BLOC1S5: variants seen among roughly 807,000 people sequenced by gnomAD.
The protein encoded by BLOC1S5 is biogenesis of lysosome-related organelles complex 1 subunit 5.
Under a neutral mutation model 24.3 loss-of-function variants are expected in BLOC1S5, and 27 were observed. The ratio of observed to expected loss-of-function variants is 1.11; its 90% confidence interval spans 0.82 to 1.53. The LOEUF (loss-of-function observed/expected upper bound fraction) is 1.53. BLOC1S5 is among the 40% of genes most tolerant of loss of function. The pLI is 0.00. For synonymous variants in BLOC1S5, 84 were observed against 74.5 expected, an observed-to-expected ratio of 1.13 and a Z score of -0.66; for missense variants, 239 against 229.4, an observed-to-expected ratio of 1.04 and a Z score of -0.27.
chr6:8,054,946 T>C (rs527618995), intron 2 of BLOC1S5, among the ~76,000 whole-genome samples: 7 of 152,388 alleles, frequency 4.6e-5, no homozygotes, highest in Middle Eastern at 3.4e-3. Context: ...CAGTTGTTTA[T>C]TCACTCATGT....
In BLOC1S5 at chr6:8,028,874, C is replaced by A. The variant is rs150538621; in HGVS notation, c.326-2449G>T. On this transcript the variant is annotated intron_variant, in intron 3 of 4. Coordinates refer to ENST00000397457, the MANE Select transcript of BLOC1S5 (RefSeq NM_201280.3). The stretch of plus-strand genomic sequence containing the variant: ...CACCAAGAAGGCCCATTTCTCTGAA[C>A]CTTCCTATCACATCTGCAACACTTA... Among the ~76,000 whole-genome samples, 25 of 151,954 alleles carry A rather than the reference C, an allele frequency of 1.6e-4. No homozygotes were observed. In the East Asian group the frequency reaches 4.8e-3, roughly 29 times the overall value.
chr6:8,031,356 T>A (rs1361965198), intron 3 of BLOC1S5, among the ~76,000 whole-genome samples: 1 of 152,230 alleles, frequency 6.6e-6, no homozygotes, highest in East Asian at 1.9e-4. Flanking sequence ...AGAATCAAAT[T>A]AAAGAGCTCA....
chr6:8,025,880 T>A (rs569838647), intron 4 of BLOC1S5, among the ~76,000 whole-genome samples: 36 of 152,378 alleles, frequency 2.4e-4, no homozygotes, highest in Non-Finnish European at 5.9e-5. Context: ...ATTCTTGTGC[T>A]ATTTTTCCAC....
intron 2 of BLOC1S5, among the ~76,000 whole-genome samples, chr6:8,051,126 T>C (rs969944968): frequency 6.7e-6 from 1 of 149,950 alleles, no homozygotes; most frequent in Non-Finnish European, 1.5e-5. Flanking sequence ...AGGTGGAGGC[T>C]GCAGTGAGCC....
intron 4 of BLOC1S5, among the ~76,000 whole-genome samples, chr6:8,022,466 G>T (rs1003311679): frequency 7.3e-5 from 11 of 151,276 alleles, no homozygotes; most frequent in African/African-American, 2.7e-4. Context: ...AGAGACATAG[G>T]AAAAACTATT....
At position 8,053,878 on chromosome 6, in the gene BLOC1S5, T is replaced by C. The variant is rs112740926; in HGVS notation, c.195+8656A>G. Among the ~76,000 whole-genome samples, 1,415 of 152,298 alleles carry C rather than the reference T, an allele frequency of 9.3e-3. 17 individuals are homozygous for C. The highest frequency in any genetic ancestry group is 0.031 in the African/African-American group (1,294 of 41,570). On this transcript the variant is annotated intron_variant, in intron 2 of 4. Transcript: ENST00000397457. ...TTCCAGTTATTTAGAAAAGTTGGTG[T>C]TCTTGTTCTCACAGTTATGTTTACA...
Position 8,062,614 on chromosome 6 carries a change from G to T in BLOC1S5, c.115C>A (p.Leu39Ile). 1 of 1,581,872 alleles carries T rather than the reference G, an allele frequency of 6.3e-7. No individual in the cohort carries two copies. The highest frequency in any genetic ancestry group is 2.2e-5 in the East Asian group (1 of 44,498). The change falls in exon 2 of 5, where the codon CTT (leucine) becomes ATT (isoleucine). Residue 39 changes from leucine to isoleucine, a missense_variant and splice_region_variant. Coordinates refer to ENST00000397457, the MANE Select transcript of BLOC1S5 (RefSeq NM_201280.3). ...AAAAGCCTTGAATGAATTTCTCCAA[G>T]ATCTATAAAGATAAAATGAAATTCA... ...AGSAHLIIKD[L>I]GEIHSRLLDH...
At chr6:8,043,777 A>G (rs1397241630) in intron 2 of BLOC1S5, among the ~76,000 whole-genome samples, 2 of 152,206 alleles carry the variant, frequency 1.3e-5, no homozygotes, top group South Asian at 2.1e-4. Flanking sequence ...AGGTGTTGAT[A>G]TGGTTTGGCT....
chr6:8,026,473 G>T, intron 3 of BLOC1S5, 48 bp from the exon 4 acceptor site: 1 of 1,453,952 alleles, frequency 6.9e-7, no homozygotes, highest in Non-Finnish European at 9.6e-7. Flanking sequence ...CATGTTCAAG[G>T]AAACACATAC....
intron 1 of BLOC1S5, among the ~76,000 whole-genome samples, chr6:8,063,786 G>A (rs963477802): frequency 1.3e-5 from 2 of 152,130 alleles, no homozygotes; most frequent in African/African-American, 4.8e-5. Context: ...ATTTCTGAAC[G>A]TGAATGGTTC....
intron 3 of BLOC1S5, among the ~76,000 whole-genome samples, chr6:8,035,891 A>G (rs1013426304): frequency 2.6e-5 from 4 of 152,180 alleles, no homozygotes; most frequent in African/African-American, 9.7e-5. Context: ...GGCCTTAATG[A>G]CACTTACAGA....
chr6:8,039,219 T>C (rs1283842978), intron 3 of BLOC1S5, among the ~76,000 whole-genome samples: 6 of 152,186 alleles, frequency 3.9e-5, no homozygotes, highest in South Asian at 2.1e-4. Context: ...CTCTCACTCG[T>C]ATGTGAGAGC....
At chr6:8,040,509 A>AT (rs1374747282) in intron 3 of BLOC1S5, among the ~76,000 whole-genome samples, 1 of 152,236 alleles carries the variant, frequency 6.6e-6, no homozygotes, top group Non-Finnish European at 1.5e-5. Context: ...TTATAATTGC[A>AT]TACTATAAAC....
At chr6:8,048,602 T>C (rs1763984708) in intron 2 of BLOC1S5, among the ~76,000 whole-genome samples, 1 of 152,112 alleles carries the variant, frequency 6.6e-6, no homozygotes, top group Non-Finnish European at 1.5e-5. Context: ...ATAATACCAA[T>C]ACTAGCATCA....
intron 4 of BLOC1S5, among the ~76,000 whole-genome samples, chr6:8,016,234 A>C (rs923269809): frequency 6.6e-6 from 1 of 152,038 alleles, no homozygotes; most frequent in African/African-American, 2.4e-5. Flanking sequence ...GCTGAGGTGG[A>C]AGAATCGCCT....
intron 2 of BLOC1S5, among the ~76,000 whole-genome samples, chr6:8,059,801 T>G (rs1764452580): frequency 6.6e-6 from 1 of 152,216 alleles, no homozygotes; most frequent in Admixed American, 6.5e-5. Context: ...GTGAAAAGAC[T>G]GGATCAAGTA....
chr6:8,049,717 C>CT (rs1026280075), intron 2 of BLOC1S5, among the ~76,000 whole-genome samples: 67 of 146,854 alleles, frequency 4.6e-4, no homozygotes, highest in South Asian at 2.4e-3. Context: ...TATGTATATA[C>CT]TTTTTTTTTT....
intron 2 of BLOC1S5, among the ~76,000 whole-genome samples, chr6:8,043,208 G>T (rs903535512): frequency 6.6e-6 from 1 of 152,070 alleles, no homozygotes; most frequent in African/African-American, 2.4e-5. Flanking sequence ...CCAAAATGAG[G>T]GTGGGTTATA....
At chr6:8,025,773 T>C (rs2113527104) in intron 4 of BLOC1S5, among the ~76,000 whole-genome samples, 1 of 152,288 alleles carries the variant, frequency 6.6e-6, no homozygotes, top group South Asian at 2.1e-4. Flanking sequence ...TTAATAAGTG[T>C]AAGATGTATA....
Sources: allele counts gnomAD v4.1 joint callset (sites outside exome capture counted in the v4.1 genomes callset), GRCh38; gene constraint gnomAD v4.1.1; transcripts MANE v1.5; gene names NCBI Gene and HGNC (gene_info 2026-07-23, HGNC 2026-07-21).